MUC6: variants seen among roughly 807,000 people sequenced by gnomAD.
MUC6 encodes the protein mucin-6.
Under a neutral mutation model 201.5 loss-of-function variants are expected in MUC6, and 188 were observed. The ratio of observed to expected loss-of-function variants is 0.93; its 90% confidence interval spans 0.83 to 1.05. The LOEUF is 1.05. MUC6 is among the 50% of genes least tolerant of loss of function. The pLI, the probability that MUC6 is intolerant of heterozygous loss-of-function variation, is 0.00. For synonymous variants in MUC6, 1,228 were observed against 1,389.4 expected (o/e 0.88, Z 2.58); for missense variants, 2,706 against 3,256.9 (o/e 0.83, Z 4.12).
intron 1 of MUC6, among the ~76,000 whole-genome samples, chr11:1,034,078 G>A (rs760113767): frequency 6.6e-6 from 1 of 152,196 alleles, no homozygotes; most frequent in Non-Finnish European, 1.5e-5. Flanking sequence ...CTGTGTCTCC[G>A]GTGACGCAGG....
chr11:1,019,441 G>GCACA lies in MUC6; in HGVS notation c.3863_3864insTGTG (p.Thr1289ValfsTer109), dbSNP rs1346737483. 8 of 1,613,932 alleles carry GCACA rather than the reference G, an allele frequency of 5.0e-6. No individual in the cohort carries two copies. Among genetic ancestry groups the GCACA allele is most frequent in the Non-Finnish European group, 5.9e-6 (7 of 1,179,878 alleles). Reference sequence around the variant, plus strand: ...TGGCTGTCGATCTCAGTGTGGCTGTGGGAGGCAGCCCTGATGTGGCTTGTG... The same window carrying GCACA: ...TGGCTGTCGATCTCAGTGTGGCTGTGCACAGGAGGCAGCCCTGATGTGGCTTGTG... On this transcript the variant is annotated frameshift_variant, in exon 30 of 33. Coordinates refer to ENST00000421673, the MANE Select transcript of MUC6 (RefSeq NM_005961.3). LOFTEE classifies it high-confidence loss of function.
In MUC6 at chr11:1,026,443, G is replaced by T. The variant is rs746755711; in HGVS notation, c.2430C>A (p.Ala810=). The change falls in exon 20 of 33, where the codon GCC becomes GCA. Residue 810 remains alanine (A), a synonymous_variant. Coordinates refer to ENST00000421673, the MANE Select transcript of MUC6 (RefSeq NM_005961.3). ...PTKCEPGCVC[A]EGLYENADGQ... ...CGTCGGCATTCTCGTAGAGGCCCTC[G>T]GCGCAGACACAGCCAGGCTCACACT... 6.8e-6 allele frequency: 11 copies of T among 1,606,416 alleles called. No individual in the cohort carries two copies. Among genetic ancestry groups the T allele is most frequent in the Non-Finnish European group, 9.3e-6 (11 of 1,177,412 alleles).
In MUC6 at chr11:1,027,173, A is replaced by G; in HGVS notation, c.2252T>C (p.Leu751Pro). The G allele has an allele frequency of 1.2e-6, 2 of 1,612,492 alleles. No homozygotes were observed. Among genetic ancestry groups the G allele is most frequent in the Non-Finnish European group, 1.7e-6 (2 of 1,179,776 alleles). Reference sequence around the variant, plus strand: ...CATCTGTGGCCGCTGCGGGCAACTCAGCCGCCCGTTGATGCAGTGGCTGCA... The same window carrying G: ...CATCTGTGGCCGCTGCGGGCAACTCGGCCGCCCGTTGATGCAGTGGCTGCA... ...GITCHCINGR[L>P]SCPQRPQMFL... is the part of the protein sequence containing the mutation. Residue 751 changes from leucine (L) to proline (P), a missense_variant, in exon 18 of 33, where the codon CTG becomes CCG. Physicochemically the swap from Leu to Pro is moderately conservative, Grantham distance 98. Coordinates refer to ENST00000421673, the MANE Select transcript of MUC6 (RefSeq NM_005961.3).
In MUC6 at chr11:1,036,584, C is replaced by T. The variant is rs529596055; in HGVS notation, c.52+20G>A. 5 of 1,548,694 alleles carry T rather than the reference C, an allele frequency of 3.2e-6. No homozygotes were observed. The highest frequency in any genetic ancestry group is 2.4e-5 in the South Asian group (2 of 83,932). On this transcript the variant is annotated intron_variant, in intron 1 of 32. Transcript: ENST00000421673. ...CCTCTGAGGGCACCGCAGTGTCTGG[C>T]GCCCCTCGACCTCACTCACCAGCGC... is the stretch of plus-strand genomic sequence containing the variant.
chr11:1,024,186 T>C, intron 24 of MUC6, 83 bp from the exon 25 acceptor site: 1 of 1,488,382 alleles, frequency 6.7e-7, no homozygotes, highest in Non-Finnish European at 9.0e-7. Context: ...GCCCTCAGTG[T>C]GGTCAGGCCG....
chr11:1,020,257 C>A lies in MUC6; in HGVS notation c.3641G>T (p.Gly1214Val). ...GGGCCAGACTTGCGTGGGCCGTGAG[C>A]CTGGGTGGGCGGACATGCCATCAGG... ...PPTTPQLPTT[G>V]SRPTQVWPMT... The change falls in exon 29 of 33, where the codon GGC (glycine) becomes GTC (valine). Residue 1214 changes from glycine (G) to valine (V), a missense_variant and splice_region_variant. Physicochemically the swap from Gly to Val is moderately radical, Grantham distance 109. Transcript: ENST00000421673. The A allele has an allele frequency of 6.3e-7, 1 of 1,599,982 alleles. No homozygotes were observed. Among genetic ancestry groups the A allele is most frequent in the South Asian group, 1.1e-5 (1 of 90,046 alleles).
intron 1 of MUC6, among the ~76,000 whole-genome samples, chr11:1,035,450 C>A (rs1410623432): frequency 6.6e-6 from 1 of 152,128 alleles, no homozygotes; most frequent in Admixed American, 6.5e-5. Context: ...GCTGGGAGGG[C>A]TCAGAGACCC....
chr11:1,028,705 A>G lies in MUC6; in HGVS notation c.1532T>C (p.Leu511Pro), dbSNP rs200340361. 2,902 of 1,611,866 alleles carry G rather than the reference A, an allele frequency of 1.8e-3. 1 individual carries two copies. Among genetic ancestry groups the G allele is most frequent in the Non-Finnish European group, 2.3e-3 (2,753 of 1,179,484 alleles). The change falls in exon 13 of 33, where the codon CTG becomes CCG. Residue 511 changes from leucine to proline, a missense_variant. This residue lies in a region of MUC6 where 1,850 missense variants were observed against 1,958.3 expected (regional missense o/e 0.94). Transcript: ENST00000421673. ...TSFGLELVVQLRPIFQAYVTV... is the reference protein window; with the variant it reads ...TSFGLELVVQPRPIFQAYVTV... ...GACATAGGCCTGGAAGATGGGGCGC[A>G]GCTGGACCACGAGCTCCAGCCCGAA... is the stretch of plus-strand genomic sequence containing the variant.
chr11:1,034,904 G>A (rs1317633996), intron 1 of MUC6, among the ~76,000 whole-genome samples: 1 of 152,204 alleles, frequency 6.6e-6, no homozygotes, highest in African/African-American at 2.4e-5. Flanking sequence ...CAAGTCGGCT[G>A]CCTCCAGCTC....
intron 30 of MUC6, 79 bp from the exon 31 acceptor site, chr11:1,018,849 A>G (rs561848312): frequency 2.1e-5 from 32 of 1,497,210 alleles, no homozygotes; most frequent in African/African-American, 8.4e-5. Context: ...CCTTTTGTCT[A>G]TGTGACCTTT....
chr11:1,028,231 A>G lies in MUC6; in HGVS notation c.1748T>C (p.Leu583Pro). The change falls in exon 14 of 33, where the codon CTC (leucine) becomes CCC (proline). Residue 583 changes from leucine (L) to proline (P), a missense_variant. This residue lies in a region of MUC6 where 1,850 missense variants were observed against 1,958.3 expected (regional missense o/e 0.94). Coordinates refer to ENST00000421673, the MANE Select transcript of MUC6 (RefSeq NM_005961.3). ...GTGGGGGGCCGGACACTCACTGTTG[A>G]GCTGGCTCATGGAGCAGGGGTCAGT... is the stretch of plus-strand genomic sequence containing the variant. ...RETDPCSMSQ[L>P]NKVCAETHCS... The G allele has an allele frequency of 6.4e-7, 1 of 1,572,248 alleles. No individual in the cohort carries two copies. Among genetic ancestry groups the G allele is most frequent in the Non-Finnish European group, 8.6e-7 (1 of 1,159,408 alleles).
rs769220633 is a variant in MUC6 at position 1,016,283 on chromosome 11, G to C, written c.6518C>G (p.Thr2173Arg). The change falls in exon 31 of 33, where the codon ACA becomes AGA. Residue 2173 changes from threonine (T) to arginine (R), a missense_variant. Around this residue, in one of 10 missense-constraint regions of MUC6, gnomAD observed 586 missense variants for 488.0 expected, o/e 1.20. Coordinates refer to ENST00000421673, the MANE Select transcript of MUC6 (RefSeq NM_005961.3). ...SSFVSAPVHS[T>R]TLSSGSHSSL... ...GGAGTGTGACCCCGAGCTCAGGGTT[G>C]TGGAGTGCACGGGGGCGGACACGAA... 26 of 1,612,778 alleles carry C rather than the reference G, an allele frequency of 1.6e-5. No homozygotes were observed. Among genetic ancestry groups the C allele is most frequent in the Non-Finnish European group, 5.9e-6 (7 of 1,179,574 alleles).
At chr11:1,026,835 C>T in intron 19 of MUC6, 106 bp downstream of exon 19, 3 of 1,203,466 alleles carry the variant, frequency 2.5e-6, no homozygotes, top group South Asian at 3.1e-5. Flanking sequence ...CCCCAGGCAC[C>T]CGCTGCAGGG....
chr11:1,031,296 G>C (rs1157179673), intron 4 of MUC6, 37 bp from the exon 5 acceptor site: 1 of 1,535,252 alleles, frequency 6.5e-7, no homozygotes, highest in Non-Finnish European at 8.8e-7. Flanking sequence ...CCGGGGGCCA[G>C]GGGCCCCCTC....
Position 1,013,040 on chromosome 11 carries a change from C to T in MUC6, c.*416G>A, listed in dbSNP as rs868025697. 9.2e-5 allele frequency: 17 copies of T among 184,890 alleles called. No individual in the cohort carries two copies. The highest frequency in any genetic ancestry group is 3.8e-4 in the African/African-American group (16 of 42,552). The allele number at this position is 184,890 out of a possible 1,614,324, so 11.5% of individuals were successfully genotyped here. ...CTGCCTGGGCCTCTTGCCCCCATCT[C>T]GGCACAGGTTTCCGTGCCCTCCTCG... On this transcript the variant is annotated 3_prime_UTR_variant, in exon 33 of 33. Transcript: ENST00000421673.
At chr11:1,024,267 C>G (rs181903237) in intron 24 of MUC6, among the ~76,000 whole-genome samples, 164 bp from the exon 25 acceptor site, 14 of 152,306 alleles carry the variant, frequency 9.2e-5, no homozygotes, top group Non-Finnish European at 1.5e-4. Flanking sequence ...CCGCTAGCCA[C>G]GCTCCCGGAG....
chr11:1,028,653 C>G lies in MUC6; in HGVS notation c.1584G>C (p.Gln528His). 2 of 1,608,312 alleles carry G rather than the reference C, an allele frequency of 1.2e-6. No individual in the cohort carries two copies. The highest frequency in any genetic ancestry group is 2.2e-5 in the East Asian group (1 of 44,712). ...YVTVGPQFRGQTRGLCGNFNG... is the reference protein window; with the variant it reads ...YVTVGPQFRGHTRGLCGNFNG... ...GGAGAGGCAGGGACTCACCTCTGGT[C>G]TGACCTCTGAACTGGGGCCCAACAG... Residue 528 changes from glutamine to histidine, a missense_variant, in exon 13 of 33, where the codon CAG becomes CAC. By Grantham distance (24) the Gln-to-His change is conservative. Transcript: ENST00000421673.
Position 1,026,107 on chromosome 11 carries a change from C to T in MUC6, c.2581G>A (p.Gly861Ser). The T allele has an allele frequency of 6.2e-7, 1 of 1,600,304 alleles. No homozygotes were observed. Among genetic ancestry groups the T allele is most frequent in the African/African-American group, 1.3e-5 (1 of 74,886 alleles). Reference sequence around the variant, plus strand: ...GTGCAGGTGGATGGGCAGTGGGTGCCCTGCTGACAGGCCCACCTCCCCCTT... The same window carrying T: ...GTGCAGGTGGATGGGCAGTGGGTGCTCTGCTGACAGGCCCACCTCCCCCTT... The part of the protein sequence containing the change: ...CSRGRWACQQ[G>S]THCPSTCTLY... Residue 861 changes from glycine to serine, a missense_variant, in exon 21 of 33, where the codon GGC becomes AGC. Around this residue, in one of 10 missense-constraint regions of MUC6, gnomAD observed 1,850 missense variants for 1,958.3 expected, o/e 0.94. Coordinates refer to ENST00000421673, the MANE Select transcript of MUC6 (RefSeq NM_005961.3).
chr11:1,028,499 G>C, intron 13 of MUC6, 112 bp from the exon 14 acceptor site: 1 of 1,533,422 alleles, frequency 6.5e-7, no homozygotes, highest in Non-Finnish European at 8.8e-7. Flanking sequence ...GTGAGAGGCT[G>C]CGTGGGCCAC....
Sources: allele counts gnomAD v4.1 joint callset (sites outside exome capture counted in the v4.1 genomes callset), GRCh38; gene constraint gnomAD v4.1.1; regional missense constraint gnomAD v4.1.1; transcripts MANE v1.5; gene names NCBI Gene and HGNC (gene_info 2026-07-23, HGNC 2026-07-21).